Variants in ARHGAP30 observed in about 807,000 individuals in gnomAD.
ARHGAP30 encodes the protein Rho GTPase activating protein 30, also known as rho GTPase-activating protein 30.
Under a neutral mutation model 72.0 loss-of-function variants are expected in ARHGAP30, and 23 were observed. The observed-to-expected ratio is 0.32, with a 90% confidence interval of 0.23 to 0.45. The LOEUF (loss-of-function observed/expected upper bound fraction) is 0.45. Among genes scored for constraint, ARHGAP30 ranks in the 20% least tolerant of loss-of-function variants. ARHGAP30 has a pLI of 1.00. For missense variants in ARHGAP30, 1,319 were observed against 1,383.4 expected (o/e 0.95, Z 0.74); for synonymous variants, 576 against 528.2 (o/e 1.09, Z -1.24).
rs773660511 is a variant in ARHGAP30 at position 161,052,278 on chromosome 1, A to C, written c.1018+8T>G. The C allele has an allele frequency of 6.2e-7, 1 of 1,613,726 alleles. No homozygotes were observed. The highest frequency in any genetic ancestry group is 1.3e-5 in the African/African-American group (1 of 75,014). ...CACATACACACAGAAATGCACCCCTATACTCACCATCACTGGCCCCAGCTG... is the reference window on the plus strand; with the variant it reads ...CACATACACACAGAAATGCACCCCTCTACTCACCATCACTGGCCCCAGCTG... On this transcript the variant is annotated splice_region_variant and intron_variant, in intron 9 of 11. Transcript: ENST00000368013.
intron 1 of ARHGAP30, among the ~76,000 whole-genome samples, chr1:161,065,988 C>A (rs1244334546): frequency 6.6e-6 from 1 of 151,650 alleles, no homozygotes; most frequent in Non-Finnish European, 1.5e-5. Context: ...CCTCAGCCTC[C>A]CGAGTAGCTG....
At chr1:161,053,462 TTCTC>T (rs57196073) in intron 5 of ARHGAP30, 77 bp from the exon 6 acceptor site, 22,806 of 687,532 alleles carry the variant, frequency 0.033, 187 homozygotes, top group South Asian at 0.064. Context: ...AAATACCTTA[TTCTC>T]TCTCTCTCTC....
chr1:161,064,920 A>G (rs1652652948), intron 1 of ARHGAP30, among the ~76,000 whole-genome samples: 1 of 151,400 alleles, frequency 6.6e-6, no homozygotes, highest in Admixed American at 6.6e-5. Context: ...GAAGGAAGAG[A>G]AAAGGAAAGG....
rs1205752949 is a variant in ARHGAP30, at chr1:161,052,581, A to G, written c.837-38T>C. On this transcript the variant is annotated intron_variant, in intron 7 of 11. Transcript: ENST00000368013. ...GAGGGGCATAATTGGAGGTTGGAAC[A>G]TGAAGGTCGGTGCAGGGGAGGAAGG... 2.5e-6 allele frequency: 4 copies of G among 1,614,034 alleles called. No individual in the cohort carries two copies. The South Asian group carries it at 4.4e-5, about 18-fold the overall frequency.
Position 161,058,761 on chromosome 1 carries a change from C to G in ARHGAP30, c.200+853G>C, listed in dbSNP as rs369163686. Among the ~76,000 whole-genome samples, 133 of 129,232 alleles carry G rather than the reference C, an allele frequency of 1.0e-3. 2 individuals are homozygous for G. In the East Asian group the frequency reaches 0.028, roughly 27 times the overall value. The allele number at this position is 129,232 out of a possible 152,430, so 84.8% of individuals were successfully genotyped here. On this transcript the variant is annotated intron_variant, in intron 2 of 11. Coordinates refer to ENST00000368013, the MANE Select transcript of ARHGAP30 (RefSeq NM_001025598.2). ...CTGTAGTCCCAGCTACTCAGGAGGC[C>G]GAGGCAGGAGAATCACTTGAACCCA...
chr1:161,052,499 T>C lies in ARHGAP30; in HGVS notation c.881A>G (p.Asn294Ser), dbSNP rs1242572361. ...AGTCTCATGGCCAGAGCGACCTAAA[T>C]TGAAGATAGACCTCCACTTCCTGAC... ...LKVRKWRSIF[N>S]LGRSGHETKR... Residue 294 changes from asparagine (N) to serine (S), a missense_variant, in exon 8 of 12, where the codon AAT (asparagine) becomes AGT (serine). Around this residue, in one of 2 missense-constraint regions of ARHGAP30, gnomAD observed 1,097 missense variants for 1,045.2 expected, o/e 1.05. Coordinates refer to ENST00000368013, the MANE Select transcript of ARHGAP30 (RefSeq NM_001025598.2). 2 of 1,613,334 alleles carry C rather than the reference T, an allele frequency of 1.2e-6. No individual in the cohort carries two copies. Among genetic ancestry groups the C allele is most frequent in the Non-Finnish European group, 1.7e-6 (2 of 1,179,946 alleles).
At chr1:161,065,088 C>A (rs145347852) in intron 1 of ARHGAP30, among the ~76,000 whole-genome samples, 29 of 152,266 alleles carry the variant, frequency 1.9e-4, no homozygotes, top group Non-Finnish European at 4.0e-4. Flanking sequence ...AGTTCTGGTG[C>A]CTCAGCCTCC....
Position 161,052,793 on chromosome 1 carries a change from A to G in ARHGAP30, c.669T>C (p.Gly223=). The change falls in exon 7 of 12, where the codon GGT becomes GGC. Residue 223 remains glycine (G), a synonymous_variant. Coordinates refer to ENST00000368013, the MANE Select transcript of ARHGAP30 (RefSeq NM_001025598.2). ...QLFGGAALSG[G]EVESGWRSLP... ...GCGATCGCCACCCACTCTCCACCTC[A>G]CCACCTGGGAAAAGAAAAGGAATTG... The G allele has an allele frequency of 1.9e-6, 3 of 1,609,924 alleles. No homozygotes were observed. The highest frequency in any genetic ancestry group is 2.5e-6 in the Non-Finnish European group (3 of 1,178,964).
chr1:161,049,990 A>G (rs909326507), intron 10 of ARHGAP30, among the ~76,000 whole-genome samples: 4 of 152,158 alleles, frequency 2.6e-5, no homozygotes, highest in Non-Finnish European at 2.9e-5. Flanking sequence ...AGATTAAGCA[A>G]TTTGTCTAAG....
Position 161,048,347 on chromosome 1 carries a change from G to A in ARHGAP30, c.2674C>T (p.Pro892Ser), listed in dbSNP as rs1651037864. ...SSEMEEVAPQ[P>S]PQPEEMEPEG... ...GGCTCCATCTCCTCTGGCTGAGGTG[G>A]CTGTGGGGCTACCTCTTCCATCTCA... The change falls in exon 12 of 12, where the codon CCA (proline) becomes TCA (serine). Residue 892 changes from proline to serine, a missense_variant. This residue lies in a region of ARHGAP30 where 1,097 missense variants were observed against 1,045.2 expected (regional missense o/e 1.05). Coordinates refer to ENST00000368013, the MANE Select transcript of ARHGAP30 (RefSeq NM_001025598.2). The A allele has an allele frequency of 6.2e-7, 1 of 1,614,016 alleles. No individual in the cohort carries two copies. Among genetic ancestry groups the A allele is most frequent in the African/African-American group, 1.3e-5 (1 of 74,934 alleles).
intron 5 of ARHGAP30, among the ~76,000 whole-genome samples, chr1:161,053,861 T>C (rs56774086): frequency 0.013 from 1,904 of 150,714 alleles, 36 homozygotes; most frequent in African/African-American, 0.044. Flanking sequence ...AGGTCAGGAG[T>C]TCAAGATCAG....
In ARHGAP30 at chr1:161,049,308, G is replaced by T. The variant is rs760223473; in HGVS notation, c.1713C>A (p.Pro571=). Residue 571 remains proline, a synonymous_variant, in exon 12 of 12, where the codon CCC becomes CCA. Transcript: ENST00000368013. ...CCTCATCCAGAGACAGGTCATCCAG[G>T]GGTGGCTCCACAGAGAACTCCTCCA... ...PQVEEFSVEP[P]LDDLSLDEAQ... is the part of the protein sequence containing the mutation. The T allele has an allele frequency of 8.7e-6, 14 of 1,613,616 alleles. No homozygotes were observed. Among genetic ancestry groups the T allele is most frequent in the African/African-American group, 1.3e-5 (1 of 74,878 alleles).
intron 2 of ARHGAP30, among the ~76,000 whole-genome samples, chr1:161,059,302 T>C (rs1052308557): frequency 6.6e-6 from 1 of 151,696 alleles, no homozygotes; most frequent in African/African-American, 2.4e-5. Flanking sequence ...GTGCTGAGAT[T>C]ACAAGCGTGA....
intron 1 of ARHGAP30, among the ~76,000 whole-genome samples, chr1:161,063,333 A>G (rs929515164): frequency 2.0e-5 from 3 of 152,230 alleles, no homozygotes; most frequent in Non-Finnish European, 4.4e-5. Context: ...TGAAGATTTT[A>G]TGGACATTTA....
chr1:161,069,556 C>A lies in ARHGAP30; in HGVS notation c.69G>T (p.Gln23His). 6.2e-7 allele frequency: 1 copy of A among 1,611,312 alleles called. No individual in the cohort carries two copies. The highest frequency in any genetic ancestry group is 8.5e-7 in the Non-Finnish European group (1 of 1,180,008). The change falls in exon 1 of 12, where the codon CAG becomes CAT. Residue 23 changes from glutamine to histidine, a missense_variant. This residue lies in a region of ARHGAP30 where 222 missense variants were observed against 338.2 expected (regional missense o/e 0.66). Transcript: ENST00000368013. The surrounding 1 kb of genome is among the most constrained non-coding windows in gnomAD (Gnocchi z 4.9). ...CCTGGCCTGAGTGCTGCAGGTGCTC[C>A]TGCAAGTCGCACCCAAAAACCCGCT... is the stretch of plus-strand genomic sequence containing the variant. ...AKERVFGCDLQEHLQHSGQEV... is the reference protein window; with the variant it reads ...AKERVFGCDLHEHLQHSGQEV...
In ARHGAP30 at chr1:161,069,723, C is replaced by T. The variant is rs1015389732; in HGVS notation, c.-99G>A. On this transcript the variant is annotated 5_prime_UTR_variant, in exon 1 of 12. Transcript: ENST00000368013. This position sits in a 1 kb window ranked among gnomAD's most constrained non-coding sequence, Gnocchi z 4.9. ...TCCCAGCCAGCTGCTGGGCTTGGCC[C>T]GGCCCCAGGGGGGCAGGGCTCCCAA... The T allele has an allele frequency of 1.8e-5, 25 of 1,374,164 alleles. No individual in the cohort carries two copies. The highest frequency in any genetic ancestry group is 2.4e-5 in the Non-Finnish European group (24 of 988,448). The allele number at this position is 1,374,164 out of a possible 1,614,324, so 85.1% of individuals were successfully genotyped here.
At chr1:161,053,461 A>AG in intron 5 of ARHGAP30, 76 bp from the exon 6 acceptor site, 21 of 805,616 alleles carry the variant, frequency 2.6e-5, no homozygotes, top group Middle Eastern at 4.0e-4. Flanking sequence ...AAAATACCTT[A>AG]TTCTCTCTCT....
intron 1 of ARHGAP30, among the ~76,000 whole-genome samples, chr1:161,064,154 T>A (rs1218529415): frequency 2.6e-5 from 4 of 152,260 alleles, no homozygotes; most frequent in Non-Finnish European, 5.9e-5. Context: ...AAAAACTTGC[T>A]GGTTTTTGTG....
rs1275132704 is a variant in ARHGAP30, at chr1:161,069,388, A to T, written c.97+140T>A. On this transcript the variant is annotated intron_variant, in intron 1 of 11. Coordinates refer to ENST00000368013, the MANE Select transcript of ARHGAP30 (RefSeq NM_001025598.2). The surrounding 1 kb of genome is among the most constrained non-coding windows in gnomAD (Gnocchi z 4.9). ...CACATTTCCTGTCTTGCCCACTTAC[A>T]GTTCTCTTGAATGGTGACCCCAGGC... is the stretch of plus-strand genomic sequence containing the variant. 1.3e-5 allele frequency: 10 copies of T among 776,438 alleles called. No homozygotes were observed. 48.1% of individuals were successfully genotyped at this position (776,438 alleles called of 1,614,324 possible).
Sources: allele counts gnomAD v4.1 joint callset (sites outside exome capture counted in the v4.1 genomes callset), GRCh38; gene constraint gnomAD v4.1.1; regional missense constraint gnomAD v4.1.1; non-coding constraint Gnocchi (gnomAD v3.1); transcripts MANE v1.5; gene names NCBI Gene and HGNC (gene_info 2026-07-23, HGNC 2026-07-21).